The following SLC18A1 variants were observed in gnomAD, a reference collection of about 807,000 sequenced individuals.
SLC18A1 encodes chromaffin granule amine transporter.
A neutral mutation model predicts 53.7 loss-of-function variants in SLC18A1; 69 were observed. The observed-to-expected ratio is 1.28, with a 90% confidence interval of 1.06 to 1.57. The LOEUF (loss-of-function observed/expected upper bound fraction) is 1.57, where lower values mean the gene tolerates loss of function less well. SLC18A1 is among the 40% of genes most tolerant of loss of function. The probability of loss-of-function intolerance (pLI) is 0.00; values close to 1 mark genes in which losing one functional copy is unlikely to be tolerated. For synonymous variants in SLC18A1, 320 were observed against 248.1 expected (o/e 1.29, Z -2.72); for missense variants, 932 against 668.1 (o/e 1.40, Z -4.35).
chr8:20,178,463 G>A lies in SLC18A1; in HGVS notation c.519C>T (p.Gly173=), dbSNP rs188888362. Residue 173 remains glycine, a synonymous_variant, in exon 4 of 16, where the codon GGC becomes GGT. Transcript: ENST00000276373. ...CTGTGGAGAGAAACATGATAACAAA[G>A]CCAGCAAACATGGGGATATGATATC... The part of the protein sequence containing the change: ...RIGYHIPMFA[G]FVIMFLSTVM... 1.9e-6 allele frequency: 3 copies of A among 1,609,040 alleles called. No individual in the cohort carries two copies. Among genetic ancestry groups the A allele is most frequent in the African/African-American group, 1.3e-5 (1 of 74,610 alleles).
rs1461873289 is a variant in SLC18A1, at chr8:20,145,671, C to A, written c.*92G>T. On this transcript the variant is annotated 3_prime_UTR_variant, in exon 16 of 16. Coordinates refer to ENST00000276373, the MANE Select transcript of SLC18A1 (RefSeq NM_003053.4). ...GATTCCCAGGCAGAGGTATGTGAAG[C>A]CCACTGAGCCGTGGGCTCAGCCATG... 2 of 683,234 alleles carry A rather than the reference C, an allele frequency of 2.9e-6. No individual in the cohort carries two copies. The highest frequency in any genetic ancestry group is 5.5e-5 in the East Asian group (2 of 36,038). The allele number at this position is 683,234 out of a possible 1,614,324, so 42.3% of individuals were successfully genotyped here. A position where few individuals can be genotyped will look rare whatever the true frequency, so the allele number is the denominator to read the frequency against.
At chr8:20,181,985 G>C (rs1434583299) in intron 1 of SLC18A1, 1 of 152,204 alleles carries the variant, frequency 6.6e-6, no homozygotes, top group Non-Finnish European at 1.5e-5. Context: ...TTCATGATTA[G>C]TTCTCTATTC....
At position 20,145,853 on chromosome 8, in the gene SLC18A1, G is replaced by A; in HGVS notation, c.1488C>T (p.Pro496=). ...EKLAILSQDC[P]METRMYATQK... ...GGGTTGCATACATCCGGGTCTCCAT[G>A]GGGCAGTCCTGACTCAGAATAGCCT... The change falls in exon 16 of 16, where the codon CCC becomes CCT. Residue 496 remains proline, a synonymous_variant. Coordinates refer to ENST00000276373, the MANE Select transcript of SLC18A1 (RefSeq NM_003053.4). 6.2e-7 allele frequency: 1 copy of A among 1,610,010 alleles called. No homozygotes were observed. The highest frequency in any genetic ancestry group is 8.5e-7 in the Non-Finnish European group (1 of 1,177,976).
intron 8 of SLC18A1, among the ~76,000 whole-genome samples, chr8:20,165,899 T>C (rs889922393): frequency 1.3e-5 from 2 of 152,286 alleles, no homozygotes; most frequent in African/African-American, 2.4e-5. Context: ...TAATCCTTCA[T>C]GGTGTTTACT....
chr8:20,165,823 C>T (rs1167607174), intron 8 of SLC18A1, among the ~76,000 whole-genome samples: 1 of 152,166 alleles, frequency 6.6e-6, no homozygotes, highest in South Asian at 2.1e-4. Flanking sequence ...TCCTTCTTTT[C>T]TAGAGAGCTC....
chr8:20,156,932 C>T (rs1386060195), intron 10 of SLC18A1, among the ~76,000 whole-genome samples: 3 of 152,184 alleles, frequency 2.0e-5, no homozygotes, highest in Non-Finnish European at 4.4e-5. Context: ...CAAGAACTCA[C>T]CCCTGATCGC....
chr8:20,166,287 G>GTGTGTATATA lies in SLC18A1; in HGVS notation c.859-1181_859-1180insTATATACACA, dbSNP rs1235212014. 2.2e-3 allele frequency among the ~76,000 whole-genome samples: 173 copies of GTGTGTATATA among 78,954 alleles called. 18 individuals carry two copies. Among genetic ancestry groups the GTGTGTATATA allele is most frequent in the Non-Finnish European group, 3.1e-3 (128 of 41,170 alleles). 51.8% of individuals were successfully genotyped at this position (78,954 alleles called of 152,430 possible). A position where few individuals can be genotyped will look rare whatever the true frequency, so the allele number is the denominator to read the frequency against. On this transcript the variant is annotated intron_variant, in intron 8 of 15. Transcript: ENST00000276373. Reference sequence around the variant, plus strand: ...CAAAATTGTGTGTGGGTGTGTGTGTGTCTATATATATATATATATATATAT... The same window carrying GTGTGTATATA: ...CAAAATTGTGTGTGGGTGTGTGTGTGTGTGTATATATCTATATATATATATATATATATAT...
At chr8:20,151,356 T>C (rs2071550376) in intron 10 of SLC18A1, among the ~76,000 whole-genome samples, 1 of 152,060 alleles carries the variant, frequency 6.6e-6, no homozygotes, top group Admixed American at 6.5e-5. Flanking sequence ...TGATGAGCCG[T>C]TCTCATGTAT....
At chr8:20,156,261 A>C (rs1353117432) in intron 10 of SLC18A1, among the ~76,000 whole-genome samples, 2 of 149,028 alleles carry the variant, frequency 1.3e-5, no homozygotes, top group African/African-American at 2.4e-5. Context: ...CTAAGTCAAA[A>C]AAAAAAAAAA....
At chr8:20,153,017 G>A (rs1026729731) in intron 10 of SLC18A1, among the ~76,000 whole-genome samples, 7 of 152,166 alleles carry the variant, frequency 4.6e-5, no homozygotes, top group African/African-American at 7.2e-5. Context: ...ATGAGTAGGA[G>A]GCAAAGTCAA....
At chr8:20,172,943 G>A (rs1042844304) in intron 6 of SLC18A1, 93 bp downstream of exon 6, 2 of 871,272 alleles carry the variant, frequency 2.3e-6, no homozygotes, top group African/African-American at 3.3e-5. Flanking sequence ...AGGCCAACAA[G>A]GGAAGGAAAA....
At chr8:20,166,289 C>CCA (rs2071957657) in intron 8 of SLC18A1, among the ~76,000 whole-genome samples, 9 of 107,262 alleles carry the variant, frequency 8.4e-5, no homozygotes, top group Admixed American at 6.5e-4. Context: ...GTGTGTGTGT[C>CCA]TATATATATA....
intron 8 of SLC18A1, among the ~76,000 whole-genome samples, chr8:20,170,615 T>G (rs941960749): frequency 6.6e-6 from 1 of 152,152 alleles, no homozygotes; most frequent in African/African-American, 2.4e-5. Flanking sequence ...GAATGACAGT[T>G]AGGGATATTC....
intron 8 of SLC18A1, among the ~76,000 whole-genome samples, chr8:20,166,571 G>T (rs1173543226): frequency 6.6e-6 from 1 of 151,644 alleles, no homozygotes; most frequent in African/African-American, 2.4e-5. Flanking sequence ...AGTGGTAGGG[G>T]TGGGAGAGGG....
chr8:20,157,071 A>G (rs2071701128), intron 10 of SLC18A1, among the ~76,000 whole-genome samples: 1 of 152,134 alleles, frequency 6.6e-6, no homozygotes, highest in South Asian at 2.1e-4. Flanking sequence ...CTAATCCGGT[A>G]AGCAGATGTC....
intron 2 of SLC18A1, among the ~76,000 whole-genome samples, chr8:20,180,452 T>C (rs2072395668): frequency 6.6e-6 from 1 of 152,136 alleles, no homozygotes; most frequent in Non-Finnish European, 1.5e-5. Context: ...AAATAAAATA[T>C]GCTGTTTTTA....
chr8:20,151,004 C>A, intron 10 of SLC18A1: 1 of 425,836 alleles, frequency 2.3e-6, no homozygotes, highest in South Asian at 2.5e-5. Context: ...CAGGGCCTCA[C>A]TCTGTCACCC....
intron 5 of SLC18A1, among the ~76,000 whole-genome samples, chr8:20,173,866 G>A (rs1339952310): frequency 1.1e-4 from 16 of 151,554 alleles, no homozygotes. Context: ...GAGATCTATG[G>A]ACCCTGTTAG....
At chr8:20,159,227 G>T (rs1366166633) in intron 10 of SLC18A1, among the ~76,000 whole-genome samples, 1 of 152,130 alleles carries the variant, frequency 6.6e-6, no homozygotes, top group Non-Finnish European at 1.5e-5. Flanking sequence ...CTATGCCCCA[G>T]TTCGGCAGGA....
Sources: gnomAD v4.1 joint callset for allele counts (sites outside exome capture counted in the v4.1 genomes callset) on GRCh38, gnomAD v4.1.1 for gene constraint, MANE v1.5 for transcripts, NCBI Gene and HGNC (gene_info 2026-07-23, HGNC 2026-07-21) for gene names.